Variants in PTPRS observed in about 807,000 individuals in gnomAD.
PTPRS encodes protein tyrosine phosphatase receptor type S.
Under a neutral mutation model 215.3 loss-of-function variants are expected in PTPRS, and 63 were observed. The ratio of observed to expected loss-of-function variants is 0.29; its 90% CI spans 0.24 to 0.36. PTPRS has a LOEUF of 0.36. PTPRS is among the 10% of genes least tolerant of loss of function. PTPRS has a pLI of 1.00. For synonymous variants in PTPRS, 1,404 were observed against 1,191.4 expected (o/e 1.18, Z -3.68); for missense variants, 2,258 against 2,825.8 (o/e 0.80, Z 4.56).
chr19:5,229,773 G>C, intron 14 of PTPRS, 89 bp from the exon 15 acceptor site: 1 of 836,116 alleles, frequency 1.2e-6, no homozygotes, highest in Non-Finnish European at 1.6e-6. Flanking sequence ...TCCGATTCCA[G>C]GATGCCGAGT....
chr19:5,340,276 C>A (rs1289506192), intron 1 of PTPRS, among the ~76,000 whole-genome samples: 3 of 150,532 alleles, frequency 2.0e-5, no homozygotes, highest in Non-Finnish European at 3.0e-5. Context: ...TCCGCACACA[C>A]GCGCGCCCCC....
intron 16 of PTPRS, among the ~76,000 whole-genome samples, chr19:5,228,835 G>A (rs1191556704): frequency 2.0e-5 from 3 of 152,198 alleles, no homozygotes; most frequent in Non-Finnish European, 2.9e-5. Flanking sequence ...CTCTGGCCCC[G>A]CTGACACCTC....
At position 5,239,203 on chromosome 19, in the gene PTPRS, CAG is replaced by C. The variant is rs551849018; in HGVS notation, c.1705-142_1705-141del. ...AGAGAGAGAGACAGAGAAATAGAGA[CAG>C]GGGTGCGGCAGAGAGGGACAGAGAG... On this transcript the variant is annotated intron_variant, in intron 12 of 37. Transcript: ENST00000262963. 2.3e-3 allele frequency: 1,352 copies of C among 587,210 alleles called. 6 individuals are homozygous for C. The highest frequency in any genetic ancestry group is 6.3e-3 in the East Asian group (193 of 30,584). The allele number at this position is 587,210 out of a possible 1,614,324, so 36.4% of individuals were successfully genotyped here.
intron 4 of PTPRS, among the ~76,000 whole-genome samples, chr19:5,270,504 G>T (rs890008766): frequency 1.3e-5 from 2 of 152,154 alleles, no homozygotes; most frequent in African/African-American, 4.8e-5. Context: ...GAGGCATGGG[G>T]TCTCTATGTT....
At chr19:5,283,343 G>A (rs113552020) in intron 2 of PTPRS, among the ~76,000 whole-genome samples, 1 of 151,960 alleles carries the variant, frequency 6.6e-6, no homozygotes, top group Non-Finnish European at 1.5e-5. Flanking sequence ...CTGGGAGACC[G>A]AGGTGGGCAG....
intron 11 of PTPRS, among the ~76,000 whole-genome samples, chr19:5,243,334 C>T (rs1428371108): frequency 2.0e-5 from 3 of 151,174 alleles, no homozygotes; most frequent in Non-Finnish European, 2.9e-5. Flanking sequence ...TGGGGTTTCA[C>T]GGTGTTGGCC....
At chr19:5,271,660 A>G (rs1211853949) in intron 4 of PTPRS, among the ~76,000 whole-genome samples, 1 of 151,600 alleles carries the variant, frequency 6.6e-6, no homozygotes, top group Non-Finnish European at 1.5e-5. Flanking sequence ...GGCCTCCCAA[A>G]GTGCTGGGAT....
rs140114240 is a variant in PTPRS at position 5,335,231 on chromosome 19, T to C, written c.-95+5433A>G. On this transcript the variant is annotated intron_variant, in intron 1 of 37. Coordinates refer to ENST00000262963, the MANE Select transcript of PTPRS (RefSeq NM_002850.4). ...GTCCAGGAGCGGAAGGAAGGATGCA[T>C]GCGACTGACTGCGGACGCGTTGAGA... 7.2e-5 allele frequency among the ~76,000 whole-genome samples: 11 copies of C among 152,304 alleles called. No homozygotes were observed. The East Asian group carries it at 1.5e-3, about 21-fold the overall frequency.
intron 1 of PTPRS, among the ~76,000 whole-genome samples, chr19:5,333,778 C>T (rs2050404963): frequency 6.6e-6 from 1 of 152,192 alleles, no homozygotes. Context: ...CCAAGCCCCA[C>T]AGCTGCTTAG....
intron 9 of PTPRS, among the ~76,000 whole-genome samples, chr19:5,248,023 G>A (rs1466340753): frequency 6.7e-6 from 1 of 148,968 alleles, no homozygotes; most frequent in Admixed American, 6.7e-5. Flanking sequence ...TGAGGGGCGA[G>A]GTGCCGTGAG....
chr19:5,277,817 T>C (rs1023397282), intron 2 of PTPRS: 9 of 764,392 alleles, frequency 1.2e-5, no homozygotes, highest in East Asian at 7.9e-5. Context: ...CAGACCAATA[T>C]GTCAAAATTA....
intron 1 of PTPRS, among the ~76,000 whole-genome samples, chr19:5,335,223 AG>A (rs1487779353): frequency 6.6e-5 from 10 of 152,222 alleles, no homozygotes; most frequent in Non-Finnish European, 1.5e-5. Flanking sequence ...AGCGGAAGGA[AG>A]GATGCATGCG....
intron 37 of PTPRS, 30 bp from the exon 38 acceptor site, chr19:5,206,872 CTCCGCTGCTCT>C: frequency 6.2e-7 from 1 of 1,603,960 alleles, no homozygotes; most frequent in Non-Finnish European, 8.5e-7. Flanking sequence ...CTGTTAGTAC[CTCCGCTGCTCT>C]AACGCCTCCC....
At chr19:5,248,085 G>C (rs548160540) in intron 9 of PTPRS, among the ~76,000 whole-genome samples, 1 of 148,944 alleles carries the variant, frequency 6.7e-6, no homozygotes, top group Non-Finnish European at 1.5e-5. Context: ...GTGGGGGTGT[G>C]GGGGGAGAAT....
At chr19:5,305,765 ATTT>A (rs144512818) in intron 1 of PTPRS, among the ~76,000 whole-genome samples, 36 of 93,392 alleles carry the variant, frequency 3.9e-4, no homozygotes, top group African/African-American at 1.1e-3. Context: ...ATATATATAT[ATTT>A]TTTTTTTAAA....
At chr19:5,226,585 A>G (rs1186235086) in intron 16 of PTPRS, among the ~76,000 whole-genome samples, 2 of 151,634 alleles carry the variant, frequency 1.3e-5, no homozygotes, top group Admixed American at 1.3e-4. Context: ...ACCAAAAAAA[A>G]AAAAAAAAAG....
chr19:5,328,362 G>A (rs966818721), intron 1 of PTPRS, among the ~76,000 whole-genome samples: 6 of 151,092 alleles, frequency 4.0e-5, no homozygotes, highest in Admixed American at 2.0e-4. Flanking sequence ...CACCAGTCTC[G>A]GCCTCCCAAA....
intron 22 of PTPRS, 102 bp from the exon 23 acceptor site, chr19:5,219,569 T>G: frequency 7.3e-7 from 1 of 1,361,108 alleles, no homozygotes; most frequent in Non-Finnish European, 9.8e-7. Flanking sequence ...CCGCTCTAGA[T>G]CCTCCTATAT....
Position 5,287,118 on chromosome 19 carries a change from T to G in PTPRS, c.-94-884A>C, listed in dbSNP as rs1337224883. On this transcript the variant is annotated intron_variant, in intron 1 of 37. Coordinates refer to ENST00000262963, the MANE Select transcript of PTPRS (RefSeq NM_002850.4). This position sits in a 1 kb window ranked among gnomAD's most constrained non-coding sequence, Gnocchi z 4.8. ...TGCTGACTTCACTGTTTCCTCTCGC[T>G]TGGAGGTACAGCCAGGCCAGCCAAG... Among the ~76,000 whole-genome samples, 1 of 152,164 alleles carries G rather than the reference T, an allele frequency of 6.6e-6. No homozygotes were observed. The highest frequency in any genetic ancestry group is 1.5e-5 in the Non-Finnish European group (1 of 68,030).
Sources: allele counts gnomAD v4.1 joint callset (sites outside exome capture counted in the v4.1 genomes callset), GRCh38; gene constraint gnomAD v4.1.1; non-coding constraint Gnocchi (gnomAD v3.1); transcripts MANE v1.5; gene names NCBI Gene and HGNC (gene_info 2026-07-23, HGNC 2026-07-21).